Variants in SPMIP7 observed in about 807,000 individuals in gnomAD.
SPMIP7 encodes sperm microtubule inner protein 7.
chr7:50,104,254 GA>G, the SPMIP7 span: 1 of 772,574 alleles, frequency 1.3e-6, no homozygotes, highest in South Asian at 2.2e-5. Context: ...TATTTCTGTT[GA>G]AAAAGAACTT....
At chr7:50,119,949 G>A in the SPMIP7 span, among the ~76,000 whole-genome samples, 2 of 152,126 alleles carry the variant, frequency 1.3e-5, no homozygotes, top group Non-Finnish European at 2.9e-5. Flanking sequence ...CCTGGCTCAC[G>A]CGCTATGTAG....
At chr7:50,151,182 A>C in the SPMIP7 span, among the ~76,000 whole-genome samples, 1 of 152,190 alleles carries the variant, frequency 6.6e-6, no homozygotes, top group Non-Finnish European at 1.5e-5. Flanking sequence ...AAGACATGGA[A>C]ATTTAAAATA....
At chr7:50,128,829 G>A in the SPMIP7 span, among the ~76,000 whole-genome samples, 19 of 151,972 alleles carry the variant, frequency 1.3e-4, no homozygotes, top group Admixed American at 1.1e-3. Context: ...TTGTTAAATC[G>A]AAGAAGTATA....
chr7:50,140,563 A>G, the SPMIP7 span, among the ~76,000 whole-genome samples: 164 of 152,370 alleles, frequency 1.1e-3, no homozygotes, highest in African/African-American at 3.6e-3. Context: ...GCATGGAAAT[A>G]TCACCTCTTA....
chr7:50,138,116 A>C, the SPMIP7 span, among the ~76,000 whole-genome samples: 1 of 152,230 alleles, frequency 6.6e-6, no homozygotes, highest in South Asian at 2.1e-4. Context: ...TTTTTCTAAA[A>C]TTTTCAAAAT....
chr7:50,124,823 G>A, the SPMIP7 span, among the ~76,000 whole-genome samples: 1 of 152,066 alleles, frequency 6.6e-6, no homozygotes, highest in Non-Finnish European at 1.5e-5. Flanking sequence ...TAGAGGCTGG[G>A]TGTGGTGGCT....
chr7:50,136,064 A>G, the SPMIP7 span: 2 of 1,478,656 alleles, frequency 1.4e-6, no homozygotes, highest in South Asian at 1.2e-5. Flanking sequence ...TAACGTGCTC[A>G]TTAACTGTCA....
chr7:50,100,434 A>C, the SPMIP7 span, among the ~76,000 whole-genome samples: 1 of 152,204 alleles, frequency 6.6e-6, no homozygotes, highest in Non-Finnish European at 1.5e-5. Flanking sequence ...TTGCTGAATC[A>C]GTTTATTAAT....
At chr7:50,111,014 A>T in the SPMIP7 span, among the ~76,000 whole-genome samples, 10 of 144,446 alleles carry the variant, frequency 6.9e-5, no homozygotes, top group Admixed American at 7.0e-4. Flanking sequence ...TATCTTTATT[A>T]TATATAAAAT....
chr7:50,143,158 CATT>C, the SPMIP7 span, among the ~76,000 whole-genome samples: 3 of 115,946 alleles, frequency 2.6e-5, no homozygotes, highest in African/African-American at 3.1e-5. Context: ...CAGTGAAAGC[CATT>C]TTTTTTTTTT....
At chr7:50,120,647 G>A in the SPMIP7 span, among the ~76,000 whole-genome samples, 1 of 152,302 alleles carries the variant, frequency 6.6e-6, no homozygotes, top group East Asian at 1.9e-4. Context: ...AACACATGAC[G>A]TGATTATGGG....
the SPMIP7 span, among the ~76,000 whole-genome samples, chr7:50,124,583 T>A: frequency 6.6e-6 from 1 of 152,266 alleles, no homozygotes; most frequent in East Asian, 1.9e-4. Flanking sequence ...ATAAGACATC[T>A]AGGAAAATAT....
At chr7:50,157,814 C>T in the SPMIP7 span, among the ~76,000 whole-genome samples, 1 of 152,134 alleles carries the variant, frequency 6.6e-6, no homozygotes, top group South Asian at 2.1e-4. Flanking sequence ...TAGCCATCTC[C>T]AGGCAGAATA....
the SPMIP7 span, chr7:50,096,390 C>T: frequency 6.4e-7 from 1 of 1,551,854 alleles, no homozygotes; most frequent in Non-Finnish European, 8.7e-7. Flanking sequence ...GATGATGTGA[C>T]CTTAGGTGAT....
chr7:50,126,519 C>T, the SPMIP7 span, among the ~76,000 whole-genome samples: 1,176 of 151,758 alleles, frequency 7.7e-3, 23 homozygotes, highest in African/African-American at 0.027. Context: ...GAGTACTTCT[C>T]AAACAATTTT....
At chr7:50,125,319 C>CATATATACACAT in the SPMIP7 span, among the ~76,000 whole-genome samples, 1 of 34,556 alleles carries the variant, frequency 2.9e-5, no homozygotes, top group Non-Finnish European at 4.9e-5. Context: ...CCCATATATA[C>CATATATACACAT]ATATATACAC....
the SPMIP7 span, chr7:50,151,366 T>C: frequency 3.8e-5 from 40 of 1,061,342 alleles, no homozygotes; most frequent in African/African-American, 5.9e-4. Flanking sequence ...ATATTTTTCA[T>C]ATTTGGGTGC....
At chr7:50,097,081 A>T in the SPMIP7 span, among the ~76,000 whole-genome samples, 12 of 152,350 alleles carry the variant, frequency 7.9e-5, no homozygotes, top group Non-Finnish European at 1.6e-4. Flanking sequence ...TGGCTCCAAT[A>T]AGAACAGAAG....
chr7:50,157,266 A>T, the SPMIP7 span, among the ~76,000 whole-genome samples: 1 of 152,206 alleles, frequency 6.6e-6, no homozygotes, highest in Non-Finnish European at 1.5e-5. Flanking sequence ...GAACATTGGG[A>T]TGGAATGCAA....
Sources: allele counts gnomAD v4.1 joint callset (sites outside exome capture counted in the v4.1 genomes callset), GRCh38; gene constraint gnomAD v4.1.1; transcripts MANE v1.5; gene names NCBI Gene and HGNC (gene_info 2026-07-23, HGNC 2026-07-21).